SDK1: variants seen among roughly 807,000 people sequenced by gnomAD.
The protein encoded by SDK1 is sidekick cell adhesion molecule 1.
In SDK1, 157 loss-of-function variants were observed where a neutral mutation model predicts 245.5. That is an observed-to-expected ratio of 0.64 (90% confidence interval 0.56 to 0.73). SDK1 has a LOEUF of 0.73. Ranked by LOEUF, SDK1 falls within the 30% of genes least tolerant of loss-of-function variation. SDK1 has a pLI of 0.00. For synonymous variants in SDK1, 1,647 were observed against 1,278.5 expected (o/e 1.29, Z -6.15); for missense variants, 3,583 against 3,002.3 (o/e 1.19, Z -4.52).
At chr7:3,943,011 A>G (rs1227114133) in intron 5 of SDK1, among the ~76,000 whole-genome samples, 1 of 152,196 alleles carries the variant, frequency 6.6e-6, no homozygotes, top group Non-Finnish European at 1.5e-5. Context: ...GGAACGGCCC[A>G]TGGCCTGTCC....
intron 1 of SDK1, among the ~76,000 whole-genome samples, chr7:3,471,362 G>A (rs925568714): frequency 2.0e-5 from 3 of 152,076 alleles, no homozygotes; most frequent in African/African-American, 7.2e-5. Flanking sequence ...GTGGTATTAG[G>A]AATCTAGATT....
intron 2 of SDK1, among the ~76,000 whole-genome samples, chr7:3,637,480 C>G (rs1220538226): frequency 2.6e-5 from 4 of 152,180 alleles, no homozygotes; most frequent in Non-Finnish European, 5.9e-5. Context: ...TGGCTGAGAA[C>G]TCAATTACTC....
At chr7:3,700,368 A>G (rs975822504) in intron 4 of SDK1, among the ~76,000 whole-genome samples, 45 of 152,202 alleles carry the variant, frequency 3.0e-4, no homozygotes, top group Admixed American at 5.9e-4. Flanking sequence ...AAAGTATAAC[A>G]TTGTCAAATG....
chr7:4,199,621 C>T (rs1783774755), intron 35 of SDK1, among the ~76,000 whole-genome samples: 1 of 152,166 alleles, frequency 6.6e-6, no homozygotes, highest in South Asian at 2.1e-4. Flanking sequence ...TTTAAAGCTA[C>T]TCGGTTTGTT....
At chr7:3,567,417 G>C (rs772948851) in intron 1 of SDK1, among the ~76,000 whole-genome samples, 5 of 152,186 alleles carry the variant, frequency 3.3e-5, no homozygotes, top group Admixed American at 1.3e-4. Flanking sequence ...GATTGGTATG[G>C]ACTTTCCAAA....
chr7:3,471,219 A>G (rs1423600783), intron 1 of SDK1, among the ~76,000 whole-genome samples: 3 of 152,172 alleles, frequency 2.0e-5, no homozygotes, highest in East Asian at 1.9e-4. Flanking sequence ...GTGAGGTCCA[A>G]GTGTCCTATT....
intron 14 of SDK1, among the ~76,000 whole-genome samples, chr7:3,988,429 C>T (rs1317005644): frequency 6.6e-6 from 1 of 152,068 alleles, no homozygotes; most frequent in Non-Finnish European, 1.5e-5. Flanking sequence ...CTGCCAGCAG[C>T]AACACTGATC....
chr7:3,970,797 G>A (rs1286792007), intron 11 of SDK1, among the ~76,000 whole-genome samples: 1 of 152,168 alleles, frequency 6.6e-6, no homozygotes, highest in East Asian at 1.9e-4. Flanking sequence ...TTGTTTTTCT[G>A]GACTCACCAT....
At chr7:3,516,096 T>G (rs1782739153) in intron 1 of SDK1, among the ~76,000 whole-genome samples, 1 of 150,638 alleles carries the variant, frequency 6.6e-6, no homozygotes, top group South Asian at 2.1e-4. Flanking sequence ...TTGTTCCTGT[T>G]CTTTAATTCA....
At chr7:4,130,499 A>G (rs901755103) in intron 27 of SDK1, 29 of 190,246 alleles carry the variant, frequency 1.5e-4, no homozygotes, top group African/African-American at 5.9e-4. Flanking sequence ...ACTGCAGATA[A>G]AAGGAGACTA....
intron 1 of SDK1, among the ~76,000 whole-genome samples, chr7:3,591,686 GGCCGCT>G (rs1159689747): frequency 1.3e-5 from 2 of 152,224 alleles, no homozygotes; most frequent in African/African-American, 4.8e-5. Flanking sequence ...GTGGGCCCAT[GGCCGCT>G]GGAAGCTATT....
intron 4 of SDK1, among the ~76,000 whole-genome samples, chr7:3,774,761 G>A (rs1055857046): frequency 6.6e-6 from 1 of 152,070 alleles, no homozygotes; most frequent in African/African-American, 2.4e-5. Flanking sequence ...ATTTTTCTAG[G>A]TTTTATGATC....
chr7:3,539,198 G>A (rs1483510269), intron 1 of SDK1, among the ~76,000 whole-genome samples: 2 of 152,172 alleles, frequency 1.3e-5, no homozygotes, highest in African/African-American at 4.8e-5. Flanking sequence ...ATGGAGGCCA[G>A]GGGATCTCAC....
At chr7:3,516,059 A>G (rs1319453633) in intron 1 of SDK1, among the ~76,000 whole-genome samples, 1 of 151,910 alleles carries the variant, frequency 6.6e-6, no homozygotes, top group Non-Finnish European at 1.5e-5. Flanking sequence ...TGAAGTTGAA[A>G]ATGTAAGAAA....
rs767695064 is a variant in SDK1, at chr7:4,178,560, C to G, written c.5072C>G (p.Pro1691Arg). The G allele has an allele frequency of 1.2e-6, 2 of 1,612,664 alleles. No homozygotes were observed. The highest frequency in any genetic ancestry group is 2.2e-5 in the South Asian group (2 of 91,078). Residue 1691 changes from proline to arginine, a missense_variant, in exon 35 of 45, where the codon CCC (proline) becomes CGC (arginine). Physicochemically the swap from Pro to Arg is moderately radical, Grantham distance 103. Coordinates refer to ENST00000404826, the MANE Select transcript of SDK1 (RefSeq NM_152744.4). Reference sequence around the variant, plus strand: ...ATCGGCGAGAGCCCAGCCAGCGCGCCCGTGGAGGTCTTTGTCGGCGAGGCT... The same window carrying G: ...ATCGGCGAGAGCCCAGCCAGCGCGCGCGTGGAGGTCTTTGTCGGCGAGGCT... Reference protein sequence around the residue: ...NIIGESPASAPVEVFVGEAAP... With the variant: ...NIIGESPASARVEVFVGEAAP...
chr7:3,733,702 A>G lies in SDK1; in HGVS notation c.714-87748A>G, dbSNP rs147346909. On this transcript the variant is annotated intron_variant, in intron 4 of 44. Transcript: ENST00000404826. ...AAGTGCCCAAACACAGATGTATGAA[A>G]TAAAGAGAGAAATGAAAGGGCAAAT... Among the ~76,000 whole-genome samples, 5 of 152,340 alleles carry G rather than the reference A, an allele frequency of 3.3e-5. No individual in the cohort carries two copies. In the East Asian group the frequency reaches 9.6e-4, roughly 29 times the overall value.
intron 4 of SDK1, among the ~76,000 whole-genome samples, chr7:3,717,146 G>A (rs1237410562): frequency 1.3e-5 from 2 of 152,202 alleles, no homozygotes; most frequent in Non-Finnish European, 2.9e-5. Flanking sequence ...ATAGGTTATA[G>A]ATGCCTCTTA....
chr7:3,907,257 C>G lies in SDK1; in HGVS notation c.848-43666C>G, dbSNP rs561222693. ...TTTCAAAAATGTTTTATCACCCAAA[C>G]AGAAGCTCTGTACCTATTAACTCCT... On this transcript the variant is annotated intron_variant, in intron 5 of 44. Coordinates refer to ENST00000404826, the MANE Select transcript of SDK1 (RefSeq NM_152744.4). Among the ~76,000 whole-genome samples the G allele has an allele frequency of 3.9e-5, 6 of 152,282 alleles. No individual in the cohort carries two copies. In the South Asian group the frequency reaches 1.0e-3, roughly 26 times the overall value.
intron 28 of SDK1, among the ~76,000 whole-genome samples, chr7:4,137,487 G>A (rs899629363): frequency 1.3e-5 from 2 of 152,184 alleles, no homozygotes; most frequent in South Asian, 2.1e-4. Flanking sequence ...TCTCAGGCCC[G>A]TGGCGCAGTC....
Sources: gnomAD v4.1 joint callset for allele counts (sites outside exome capture counted in the v4.1 genomes callset) on GRCh38, gnomAD v4.1.1 for gene constraint, MANE v1.5 for transcripts, NCBI Gene and HGNC (gene_info 2026-07-23, HGNC 2026-07-21) for gene names.